The following ABHD17C variants were observed in gnomAD, a reference collection of about 807,000 sequenced individuals.
The protein encoded by ABHD17C is alpha/beta hydrolase domain-containing protein 17C.
A neutral mutation model predicts 27.9 loss-of-function variants in ABHD17C; 11 were observed. That is an observed-to-expected ratio of 0.39 (90% CI 0.25 to 0.65). The LOEUF (loss-of-function observed/expected upper bound fraction) is 0.65. Ranked by LOEUF, ABHD17C falls within the 30% of genes least tolerant of loss-of-function variation. ABHD17C has a pLI of 0.45. For synonymous variants in ABHD17C, 233 were observed against 209.1 expected (o/e 1.11, Z -0.98); for missense variants, 280 against 470.2 (o/e 0.60, Z 3.74).
At chr15:80,714,493 A>T (rs1272567331) in intron 1 of ABHD17C, among the ~76,000 whole-genome samples, 1 of 152,244 alleles carries the variant, frequency 6.6e-6, no homozygotes, top group Non-Finnish European at 1.5e-5. Flanking sequence ...CAGGATTTGA[A>T]CGCAGGCAGC....
chr15:80,742,615 C>G (rs192340915), intron 1 of ABHD17C, among the ~76,000 whole-genome samples: 3 of 152,324 alleles, frequency 2.0e-5, no homozygotes, highest in Non-Finnish European at 4.4e-5. Context: ...CTGGGCATCC[C>G]TTATCCCAAT....
intron 1 of ABHD17C, among the ~76,000 whole-genome samples, chr15:80,726,715 T>TTAGTCAGGATG: frequency 2.0e-5 from 3 of 151,918 alleles, no homozygotes; most frequent in Non-Finnish European, 2.9e-5. Flanking sequence ...GGTTTCACCG[T>TTAGTCAGGATG]GTTAGTCAGG....
At chr15:80,702,335 C>A (rs1323697624) in intron 1 of ABHD17C, among the ~76,000 whole-genome samples, 1 of 151,830 alleles carries the variant, frequency 6.6e-6, no homozygotes, top group East Asian at 1.9e-4. Flanking sequence ...CTTGTCTCTA[C>A]AAAAAATAAA....
chr15:80,698,296 C>G (rs975326286), intron 1 of ABHD17C, among the ~76,000 whole-genome samples: 1 of 152,078 alleles, frequency 6.6e-6, no homozygotes, highest in South Asian at 2.1e-4. Context: ...GACCTCCTGA[C>G]CTCATAATCC....
At chr15:80,714,722 C>G (rs1005195874) in intron 1 of ABHD17C, among the ~76,000 whole-genome samples, 2 of 152,144 alleles carry the variant, frequency 1.3e-5, no homozygotes, top group Non-Finnish European at 2.9e-5. Flanking sequence ...AAAACACACA[C>G]AGACACGCAC....
chr15:80,733,116 G>C (rs12917526), intron 1 of ABHD17C, among the ~76,000 whole-genome samples: 73,966 of 151,988 alleles, frequency 0.49, 18,632 homozygotes, highest in East Asian at 0.65. Flanking sequence ...AGGCAGAGCT[G>C]GGTTCAGACC....
At chr15:80,711,160 C>T (rs1402554972) in intron 1 of ABHD17C, among the ~76,000 whole-genome samples, 1 of 152,144 alleles carries the variant, frequency 6.6e-6, no homozygotes, top group East Asian at 1.9e-4. Flanking sequence ...GTGCCAAAAT[C>T]ACCCTGTAGG....
At chr15:80,748,530 A>G (rs8043471) in intron 1 of ABHD17C, among the ~76,000 whole-genome samples, 7,025 of 152,098 alleles carry the variant, frequency 0.046, 368 homozygotes, top group African/African-American at 0.11. Context: ...AAATTATCAC[A>G]TCTTTCTATG....
intron 1 of ABHD17C, among the ~76,000 whole-genome samples, chr15:80,735,634 C>T (rs1027789056): frequency 1.3e-5 from 2 of 151,904 alleles, no homozygotes; most frequent in Non-Finnish European, 2.9e-5. Context: ...TCAAGAGAGA[C>T]TCTCCCTCCC....
At position 80,700,102 on chromosome 15, in the gene ABHD17C, C is replaced by T. The variant is rs760794920; in HGVS notation, c.590+4083C>T. Among the ~76,000 whole-genome samples the T allele has an allele frequency of 2.2e-4, 33 of 152,096 alleles. 1 individual carries two copies. The highest frequency in any genetic ancestry group is 8.5e-4 in the Admixed American group (13 of 15,274). On this transcript the variant is annotated intron_variant, in intron 1 of 2. Coordinates refer to ENST00000258884, the MANE Select transcript of ABHD17C (RefSeq NM_021214.2). ...GATTAATCTGTGCAGGAATGGCTGC[C>T]TATTGGTTAAGGTGGGAGTAGGCAG... is the stretch of plus-strand genomic sequence containing the variant.
In ABHD17C at chr15:80,749,573, G is replaced by A. The variant is rs763009248; in HGVS notation, c.651G>A (p.Thr217=). 9.9e-6 allele frequency: 16 copies of A among 1,613,876 alleles called. No individual in the cohort carries two copies. Among genetic ancestry groups the A allele is most frequent in the South Asian group, 7.7e-5 (7 of 91,066 alleles). ...LYGQSIGTVP[T]VDLASRYECA... ...GTCAGAGCATTGGGACTGTCCCCAC[G>A]GTAGACTTGGCCTCGAGGTATGAAT... Residue 217 remains threonine (T), a synonymous_variant, in exon 2 of 3, where the codon ACG becomes ACA. Coordinates refer to ENST00000258884, the MANE Select transcript of ABHD17C (RefSeq NM_021214.2).
At chr15:80,701,861 C>A (rs748862385) in intron 1 of ABHD17C, among the ~76,000 whole-genome samples, 1 of 152,114 alleles carries the variant, frequency 6.6e-6, no homozygotes, top group Non-Finnish European at 1.5e-5. Flanking sequence ...TTTTGGGGAT[C>A]CACTCAGAGC....
intron 1 of ABHD17C, chr15:80,704,666 C>T (rs1173137729): frequency 6.6e-6 from 1 of 152,128 alleles, no homozygotes; most frequent in East Asian, 1.9e-4. Flanking sequence ...ATGTGGACAC[C>T]CCAGGATGCT....
intron 1 of ABHD17C, among the ~76,000 whole-genome samples, chr15:80,746,422 T>C (rs1895285222): frequency 6.6e-6 from 1 of 152,198 alleles, no homozygotes; most frequent in East Asian, 1.9e-4. Context: ...TTGATTTTAA[T>C]GTAATACTTT....
chr15:80,722,745 A>G, intron 1 of ABHD17C, among the ~76,000 whole-genome samples: 1 of 152,160 alleles, frequency 6.6e-6, no homozygotes, highest in East Asian at 1.9e-4. Flanking sequence ...ACGCCTGGCA[A>G]CCACCATTCT....
chr15:80,747,555 G>A (rs1455556807), intron 1 of ABHD17C, among the ~76,000 whole-genome samples: 1 of 152,186 alleles, frequency 6.6e-6, no homozygotes, highest in East Asian at 1.9e-4. Context: ...GGTCTCTGAT[G>A]TGGATTTGGG....
chr15:80,702,067 C>G (rs943139693), intron 1 of ABHD17C, among the ~76,000 whole-genome samples: 1 of 152,196 alleles, frequency 6.6e-6, no homozygotes, highest in African/African-American at 2.4e-5. Flanking sequence ...TCCAGTAATC[C>G]AGTTGCAAAG....
chr15:80,702,433 A>C (rs1318025988), intron 1 of ABHD17C, among the ~76,000 whole-genome samples: 4 of 152,210 alleles, frequency 2.6e-5, no homozygotes, highest in Non-Finnish European at 5.9e-5. Context: ...CCTGTCTCCA[A>C]AAACCAAAAT....
intron 1 of ABHD17C, among the ~76,000 whole-genome samples, chr15:80,731,470 A>G (rs1895055905): frequency 6.6e-6 from 1 of 152,298 alleles, no homozygotes; most frequent in Middle Eastern, 3.4e-3. Context: ...CAGGGAAGTC[A>G]TCATCATGTT....
Sources: gnomAD v4.1 joint callset for allele counts (sites outside exome capture counted in the v4.1 genomes callset) on GRCh38, gnomAD v4.1.1 for gene constraint, MANE v1.5 for transcripts, NCBI Gene and HGNC (gene_info 2026-07-23, HGNC 2026-07-21) for gene names.